MAGI1: variants seen among roughly 807,000 people sequenced by gnomAD.
The protein encoded by MAGI1 is membrane associated guanylate kinase, WW and PDZ domain containing 1.
Under a neutral mutation model 139.9 loss-of-function variants are expected in MAGI1, and 58 were observed. The ratio of observed to expected loss-of-function variants is 0.41; its 90% CI spans 0.34 to 0.52. The LOEUF (loss-of-function observed/expected upper bound fraction) is 0.52, where lower values mean the gene tolerates loss of function less well. Among genes scored for constraint, MAGI1 ranks in the 20% least tolerant of loss-of-function variants. The probability of loss-of-function intolerance (pLI) is 0.12; values close to 1 mark genes in which losing one functional copy is unlikely to be tolerated. For synonymous variants in MAGI1, 812 were observed against 737.9 expected (o/e 1.10, Z -1.63); for missense variants, 1,874 against 1,901.6 (o/e 0.99, Z 0.27).
At chr3:65,487,967 T>G (rs1951730355) in intron 3 of MAGI1, among the ~76,000 whole-genome samples, 1 of 152,196 alleles carries the variant, frequency 6.6e-6, no homozygotes, top group Admixed American at 6.5e-5. Context: ...AAACTTGGTT[T>G]CTCAATCACA....
chr3:65,686,342 A>T (rs1192980871), intron 1 of MAGI1, among the ~76,000 whole-genome samples: 2 of 152,030 alleles, frequency 1.3e-5, no homozygotes, highest in Admixed American at 6.6e-5. Context: ...ACCAGGCTGG[A>T]GTGCAGTGGC....
At chr3:65,402,495 T>C (rs916750670) in intron 12 of MAGI1, among the ~76,000 whole-genome samples, 1 of 152,176 alleles carries the variant, frequency 6.6e-6, no homozygotes, top group Non-Finnish European at 1.5e-5. Context: ...TGCAAGCTGT[T>C]GCCTCTTTTG....
intron 16 of MAGI1, among the ~76,000 whole-genome samples, chr3:65,381,003 CATA>C (rs1166128972): frequency 1.3e-5 from 2 of 152,018 alleles, no homozygotes; most frequent in East Asian, 3.9e-4. Context: ...CAAGAGAATT[CATA>C]ATATTTCAGG....
At chr3:65,432,734 T>C (rs1249070640) in intron 10 of MAGI1, among the ~76,000 whole-genome samples, 2 of 151,982 alleles carry the variant, frequency 1.3e-5, no homozygotes, top group African/African-American at 2.4e-5. Flanking sequence ...CAGATGGAAA[T>C]TGAGGTGAGG....
chr3:65,450,213 T>C (rs1330115612), intron 6 of MAGI1, among the ~76,000 whole-genome samples: 1 of 152,172 alleles, frequency 6.6e-6, no homozygotes, highest in African/African-American at 2.4e-5. Context: ...TAGCAAGCTA[T>C]GGACCTGGCA....
chr3:65,807,459 C>T (rs56331708), intron 1 of MAGI1, among the ~76,000 whole-genome samples: 59,036 of 152,032 alleles, frequency 0.39, 12,443 homozygotes, highest in African/African-American at 0.55. Context: ...CACCTCTTAA[C>T]ACTATCACAT....
intron 4 of MAGI1, among the ~76,000 whole-genome samples, chr3:65,475,674 G>T (rs1950852715): frequency 2.0e-5 from 3 of 152,060 alleles, no homozygotes; most frequent in Non-Finnish European, 4.4e-5. Context: ...GGCACAATTT[G>T]TAGAAGACTG....
At chr3:65,570,237 G>A (rs938551798) in intron 2 of MAGI1, among the ~76,000 whole-genome samples, 1 of 151,692 alleles carries the variant, frequency 6.6e-6, no homozygotes, top group Admixed American at 6.6e-5. Context: ...AAGTGGCTGG[G>A]ACTACAGACA....
intron 3 of MAGI1, among the ~76,000 whole-genome samples, chr3:65,484,094 A>G (rs1250252818): frequency 6.6e-6 from 1 of 152,246 alleles, no homozygotes; most frequent in Non-Finnish European, 1.5e-5. Flanking sequence ...ACCATTCTAT[A>G]TGGCATACAT....
At position 65,420,348 on chromosome 3, in the gene MAGI1, T is replaced by C. The variant is rs1359057342; in HGVS notation, c.2167+9172A>G. 2.6e-5 allele frequency among the ~76,000 whole-genome samples: 4 copies of C among 152,088 alleles called. No individual in the cohort carries two copies. In the East Asian group the frequency reaches 7.7e-4, roughly 29 times the overall value. On this transcript the variant is annotated intron_variant, in intron 12 of 22. Coordinates refer to ENST00000402939, the MANE Select transcript of MAGI1 (RefSeq NM_001033057.2). ...TGCTGGAATACCGTTTCCTTCTCTGTGGTCACTCAAGTTTCACCTCTAATC... is the reference window on the plus strand; with the variant it reads ...TGCTGGAATACCGTTTCCTTCTCTGCGGTCACTCAAGTTTCACCTCTAATC...
chr3:65,418,919 C>A (rs935619890), intron 12 of MAGI1, among the ~76,000 whole-genome samples: 1 of 152,208 alleles, frequency 6.6e-6, no homozygotes, highest in Non-Finnish European at 1.5e-5. Flanking sequence ...ACCTCTTGAC[C>A]CATGAGTGCT....
At chr3:65,623,930 A>G (rs888040971) in intron 1 of MAGI1, among the ~76,000 whole-genome samples, 1 of 152,160 alleles carries the variant, frequency 6.6e-6, no homozygotes, top group African/African-American at 2.4e-5. Context: ...AGACACCCAC[A>G]TGCCACATGA....
chr3:65,936,533 G>C lies in MAGI1; in HGVS notation c.313+101463C>G, dbSNP rs188925223. ...ACACGCCTGTAATCCCAGCTACTCAGGCAGTGGGCCAAGATCACACCACTG... is the reference window on the plus strand; with the variant it reads ...ACACGCCTGTAATCCCAGCTACTCACGCAGTGGGCCAAGATCACACCACTG... On this transcript the variant is annotated intron_variant, in intron 1 of 22. Transcript: ENST00000402939. Among the ~76,000 whole-genome samples, 533 of 151,524 alleles carry C rather than the reference G, an allele frequency of 3.5e-3. 3 individuals are homozygous for C. Among genetic ancestry groups the C allele is most frequent in the African/African-American group, 0.012 (501 of 41,272 alleles).
At chr3:65,746,624 G>A (rs1024449423) in intron 1 of MAGI1, among the ~76,000 whole-genome samples, 4 of 151,846 alleles carry the variant, frequency 2.6e-5, no homozygotes, top group African/African-American at 7.3e-5. Flanking sequence ...CCATTCACTC[G>A]GCACATCTAG....
chr3:65,489,067 T>G (rs2107652046), intron 3 of MAGI1, among the ~76,000 whole-genome samples: 1 of 152,320 alleles, frequency 6.6e-6, no homozygotes, highest in East Asian at 1.9e-4. Flanking sequence ...CAGCTCTATC[T>G]TTGATTTACC....
chr3:65,825,414 G>A (rs1327309253), intron 1 of MAGI1, among the ~76,000 whole-genome samples: 1 of 152,090 alleles, frequency 6.6e-6, no homozygotes, highest in Non-Finnish European at 1.5e-5. Flanking sequence ...CCCCAACTTC[G>A]CATTCAGTGA....
intron 2 of MAGI1, among the ~76,000 whole-genome samples, chr3:65,529,635 A>G (rs779387447): frequency 6.6e-6 from 1 of 152,150 alleles, no homozygotes; most frequent in Non-Finnish European, 1.5e-5. Flanking sequence ...GTTGTTTCCA[A>G]CTTTTGGCTA....
intron 1 of MAGI1, among the ~76,000 whole-genome samples, chr3:65,632,598 A>G (rs1309501545): frequency 6.6e-6 from 1 of 152,208 alleles, no homozygotes; most frequent in African/African-American, 2.4e-5. Context: ...GGTCTAGGTC[A>G]GGGGTCAGCA....
At chr3:66,005,489 C>T (rs994683861) in intron 1 of MAGI1, among the ~76,000 whole-genome samples, 1 of 152,190 alleles carries the variant, frequency 6.6e-6, no homozygotes, top group African/African-American at 2.4e-5. Flanking sequence ...GTAACAGCCT[C>T]ATCCTCAGCT....
Sources: gnomAD v4.1 joint callset for allele counts (sites outside exome capture counted in the v4.1 genomes callset) on GRCh38, gnomAD v4.1.1 for gene constraint, MANE v1.5 for transcripts, NCBI Gene and HGNC (gene_info 2026-07-23, HGNC 2026-07-21) for gene names.